DESI1: variants seen among roughly 807,000 people sequenced by gnomAD.
DESI1 encodes PPPDE peptidase domain containing 2.
DESI1 carries 17 observed loss-of-function variants against 22.4 expected under a neutral mutation model. That is an observed-to-expected ratio of 0.76 (90% CI 0.52 to 1.14). The LOEUF is 1.14. Among genes scored for constraint, DESI1 ranks in the 50% most tolerant of loss-of-function variants. The pLI is 0.00. For missense variants in DESI1, 177 were observed against 208.9 expected (o/e 0.85, Z 0.94); for synonymous variants, 92 against 84.2 (o/e 1.09, Z -0.51).
intron 3 of DESI1, among the ~76,000 whole-genome samples, chr22:41,606,371 AT>A (rs1440428058): frequency 4.0e-5 from 6 of 151,232 alleles, no homozygotes; most frequent in Non-Finnish European, 8.8e-5. Context: ...AAAAAAAAAA[AT>A]CCTTCCTGTA....
chr22:41,619,463 A>G (rs1224887093), intron 1 of DESI1, among the ~76,000 whole-genome samples: 1 of 152,218 alleles, frequency 6.6e-6, no homozygotes. Flanking sequence ...TACTGCTGTT[A>G]TCAATTTCTT....
chr22:41,603,146 G>A (rs2067458868), intron 5 of DESI1, 113 bp downstream of exon 5: 4 of 1,516,316 alleles, frequency 2.6e-6, no homozygotes, highest in Non-Finnish European at 3.6e-6. Flanking sequence ...TCTGCCATCA[G>A]GGCAGGCCCA....
At chr22:41,615,624 A>G (rs2067546339) in intron 1 of DESI1, among the ~76,000 whole-genome samples, 1 of 152,206 alleles carries the variant, frequency 6.6e-6, no homozygotes, top group African/African-American at 2.4e-5. Context: ...TCAGATTTGA[A>G]TAAATTTTAC....
chr22:41,605,165 T>G (rs1254660011), intron 3 of DESI1, among the ~76,000 whole-genome samples: 3 of 152,164 alleles, frequency 2.0e-5, no homozygotes, highest in African/African-American at 7.2e-5. Flanking sequence ...ATATCCCGTG[T>G]AATAATGGAA....
chr22:41,602,163 G>A (rs779249604), intron 5 of DESI1: 6 of 967,688 alleles, frequency 6.2e-6, no homozygotes, highest in Non-Finnish European at 7.4e-6. Flanking sequence ...TTCTTCAGTG[G>A]ATACTGCCAT....
chr22:41,618,610 T>C (rs770359635), intron 1 of DESI1, among the ~76,000 whole-genome samples: 3 of 152,168 alleles, frequency 2.0e-5, no homozygotes, highest in African/African-American at 7.2e-5. Context: ...TAATGACTCC[T>C]AAGGCTCCTT....
At chr22:41,602,781 G>C (rs569288785) in intron 5 of DESI1, 1 of 1,024,352 alleles carries the variant, frequency 9.8e-7, no homozygotes, top group Non-Finnish European at 1.2e-6. Flanking sequence ...GTTGAAGACT[G>C]TGCTGTAATA....
At position 41,600,934 on chromosome 22, in the gene DESI1, C is replaced by G; in HGVS notation, c.*163G>C. 1 of 640,564 alleles carries G rather than the reference C, an allele frequency of 1.6e-6. No individual in the cohort carries two copies. Among genetic ancestry groups the G allele is most frequent in the Non-Finnish European group, 2.8e-6 (1 of 359,802 alleles). 39.7% of individuals were successfully genotyped at this position (640,564 alleles called of 1,614,324 possible). A position where few individuals can be genotyped will look rare whatever the true frequency, so the allele number is the denominator to read the frequency against. On this transcript the variant is annotated 3_prime_UTR_variant, in exon 6 of 6. Transcript: ENST00000263256. ...GGCATTTTGTTCTGTTTCTTAGCAG[C>G]ATTGTCTACATGCGGCCTGACGGTC...
chr22:41,617,276 A>G (rs554689401), intron 1 of DESI1, among the ~76,000 whole-genome samples: 2 of 152,238 alleles, frequency 1.3e-5, no homozygotes, highest in African/African-American at 2.4e-5. Context: ...TTAACACTCT[A>G]CTTCTCAGGT....
At chr22:41,603,524 G>T in intron 4 of DESI1, 143 bp from the exon 5 acceptor site, 1 of 1,318,418 alleles carries the variant, frequency 7.6e-7, no homozygotes, top group Non-Finnish European at 1.0e-6. Context: ...GAAAAGCACT[G>T]CTTATTTGCC....
intron 1 of DESI1, among the ~76,000 whole-genome samples, chr22:41,608,624 C>T (rs1406255947): frequency 6.6e-6 from 1 of 152,088 alleles, no homozygotes; most frequent in Non-Finnish European, 1.5e-5. Flanking sequence ...AGGGGAGGAG[C>T]GGCCAACAGG....
chr22:41,614,095 G>T (rs546408238), intron 1 of DESI1, among the ~76,000 whole-genome samples: 3 of 151,584 alleles, frequency 2.0e-5, no homozygotes, highest in Admixed American at 6.6e-5. Context: ...GGGGTGCAGC[G>T]GTGCAATCAT....
At chr22:41,618,661 C>A (rs1405035869) in intron 1 of DESI1, among the ~76,000 whole-genome samples, 1 of 151,914 alleles carries the variant, frequency 6.6e-6, no homozygotes, top group African/African-American at 2.4e-5. Context: ...ATAAAAAATA[C>A]CCAGTGTAAA....
In DESI1 at chr22:41,599,995, A is replaced by G. The variant is rs1438152304; in HGVS notation, c.*1102T>C. On this transcript the variant is annotated 3_prime_UTR_variant, in exon 6 of 6. Transcript: ENST00000263256. The stretch of plus-strand genomic sequence containing the variant: ...GGAGTTCCAGACCAGCCTGGCCAAC[A>G]TGGCAAAACCCTGTCTCTACTGAAA... 2 of 151,916 alleles carry G rather than the reference A, an allele frequency of 1.3e-5. No individual in the cohort carries two copies. The highest frequency in any genetic ancestry group is 4.8e-5 in the African/African-American group (2 of 41,408). 9.4% of individuals were successfully genotyped at this position (151,916 alleles called of 1,614,324 possible).
At chr22:41,612,313 A>G (rs1338452438) in intron 1 of DESI1, among the ~76,000 whole-genome samples, 1 of 152,004 alleles carries the variant, frequency 6.6e-6, no homozygotes, top group African/African-American at 2.4e-5. Flanking sequence ...GTTCGAGACC[A>G]GCCTGGCCAA....
At chr22:41,602,804 T>C (rs1467834696) in intron 5 of DESI1, 4 of 1,033,302 alleles carry the variant, frequency 3.9e-6, no homozygotes, top group Non-Finnish European at 4.7e-6. Flanking sequence ...TGAGGGCAAG[T>C]AGAACATAGT....
At chr22:41,610,050 A>C (rs1460217789) in intron 1 of DESI1, among the ~76,000 whole-genome samples, 2 of 140,324 alleles carry the variant, frequency 1.4e-5, no homozygotes, top group Non-Finnish European at 3.0e-5. Context: ...ATTGCACTCC[A>C]GCCTGGGCAA....
At chr22:41,604,020 A>G in intron 4 of DESI1, 24 bp downstream of exon 4, 1 of 1,599,674 alleles carries the variant, frequency 6.3e-7, no homozygotes, top group East Asian at 2.2e-5. Context: ...GACACAACTA[A>G]CCACCACCCC....
chr22:41,602,677 G>T, intron 5 of DESI1: 1 of 987,998 alleles, frequency 1.0e-6, no homozygotes, highest in Non-Finnish European at 1.2e-6. Flanking sequence ...TCCTTTCGGG[G>T]TATACTGCCT....
Sources: allele counts gnomAD v4.1 joint callset (sites outside exome capture counted in the v4.1 genomes callset), GRCh38; gene constraint gnomAD v4.1.1; transcripts MANE v1.5; gene names NCBI Gene and HGNC (gene_info 2026-07-23, HGNC 2026-07-21).